The following KIFC2 variants were observed in gnomAD, a reference collection of about 807,000 sequenced individuals.
KIFC2 encodes kinesin-like protein KIFC2.
Under a neutral mutation model 91.5 loss-of-function variants are expected in KIFC2, and 94 were observed. The observed-to-expected ratio is 1.03, with a 90% CI of 0.87 to 1.22. The LOEUF is 1.22. KIFC2 is among the 50% of genes most tolerant of loss of function. The pLI, the probability that KIFC2 is intolerant of heterozygous loss-of-function variation, is 0.00. For synonymous variants in KIFC2, 729 were observed against 503.9 expected, an observed-to-expected ratio of 1.45 and a Z score of -5.98; for missense variants, 1,357 against 1,103.3, an observed-to-expected ratio of 1.23 and a Z score of -3.26.
chr8:144,472,533 G>T (rs1363629075), intron 15 of KIFC2, 44 bp from the exon 16 acceptor site: 1 of 1,611,860 alleles, frequency 6.2e-7, no homozygotes, highest in Non-Finnish European at 8.5e-7. Context: ...TCCACTTGGG[G>T]GCGGGGACCC....
chr8:144,473,413 G>C lies in KIFC2; in HGVS notation c.*24G>C, dbSNP rs768728856. 2.6e-6 allele frequency: 4 copies of C among 1,566,620 alleles called. No homozygotes were observed. The South Asian group carries it at 4.7e-5, about 18-fold the overall frequency. On this transcript the variant is annotated 3_prime_UTR_variant, in exon 18 of 18. Coordinates refer to ENST00000645548, the MANE Select transcript of KIFC2 (RefSeq NM_001369769.2). The stretch of plus-strand genomic sequence containing the variant: ...AGTCCTGGGTCGCGGCCCTGCCCAT[G>C]GGGTCTCAGGCCAGGTCTCTGCTGG...
Position 144,467,607 on chromosome 8 carries a change from C to G in KIFC2, c.592C>G (p.Leu198Val), listed in dbSNP as rs777469336. 17 of 1,596,972 alleles carry G rather than the reference C, an allele frequency of 1.1e-5. No homozygotes were observed. The highest frequency in any genetic ancestry group is 1.5e-5 in the Non-Finnish European group (17 of 1,171,196). ...LEEDQRAWQR[L>V]EQLILGQLEE... ...GGAGGATCAGAGGGCGTGGCAGCGG[C>G]TGGAGCAGCTCATCCTGGGACAGGT... The change falls in exon 5 of 18, where the codon CTG (leucine) becomes GTG (valine). Residue 198 changes from leucine to valine, a missense_variant. Physicochemically the swap from Leu to Val is conservative, Grantham distance 32. Coordinates refer to ENST00000645548, the MANE Select transcript of KIFC2 (RefSeq NM_001369769.2).
In KIFC2 at chr8:144,473,300, C is replaced by A. The variant is rs752027999; in HGVS notation, c.2287C>A (p.Pro763Thr). Residue 763 changes from proline (P) to threonine (T), a missense_variant, in exon 18 of 18, where the codon CCT (proline) becomes ACT (threonine). By Grantham distance (38) the Pro-to-Thr change is conservative (BLOSUM62 -1). Transcript: ENST00000645548. The part of the protein sequence containing the change: ...DTPLTGTPCT[P>T]TPSPGSPPCP... The stretch of plus-strand genomic sequence containing the variant: ...TCCGCTCACCGGGACCCCCTGCACC[C>A]CTACGCCGTCCCCTGGCAGTCCTCC... The A allele has an allele frequency of 6.2e-7, 1 of 1,605,246 alleles. No individual in the cohort carries two copies. The highest frequency in any genetic ancestry group is 1.1e-5 in the South Asian group (1 of 89,684).
Position 144,472,960 on chromosome 8 carries a change from A to G in KIFC2, c.2027A>G (p.His676Arg), listed in dbSNP as rs1407399746. ...LGGVMAALRA[H>R]RPHVPFRDSQ... is the part of the protein sequence containing the mutation. Reference sequence around the variant, plus strand: ...GGCGTGATGGCCGCACTGCGGGCCCACCGGCCGCACGTGCCCTTCCGCGAC... The same window carrying G: ...GGCGTGATGGCCGCACTGCGGGCCCGCCGGCCGCACGTGCCCTTCCGCGAC... Residue 676 changes from histidine to arginine, a missense_variant, in exon 17 of 18, where the codon CAC (histidine) becomes CGC (arginine). Transcript: ENST00000645548. 6.8e-6 allele frequency: 10 copies of G among 1,464,798 alleles called. No homozygotes were observed. Among genetic ancestry groups the G allele is most frequent in the South Asian group, 1.3e-5 (1 of 75,086 alleles). 90.7% of individuals were successfully genotyped at this position (1,464,798 alleles called of 1,614,324 possible).
At position 144,467,129 on chromosome 8, in the gene KIFC2, G is replaced by C. The variant is rs757853816; in HGVS notation, c.330+19G>C. 1.2e-5 allele frequency: 20 copies of C among 1,609,062 alleles called. No individual in the cohort carries two copies. The highest frequency in any genetic ancestry group is 1.6e-5 in the Non-Finnish European group (19 of 1,178,058). Reference sequence around the variant, plus strand: ...GGGCCAGGTGAGCGCGGCGGAGGGGGCTGCTGGCAGGTACCACCTGCCCCG... The same window carrying C: ...GGGCCAGGTGAGCGCGGCGGAGGGGCCTGCTGGCAGGTACCACCTGCCCCG... On this transcript the variant is annotated intron_variant, in intron 3 of 17. Transcript: ENST00000645548.
At position 144,474,191 on chromosome 8, in the gene KIFC2, G is replaced by A. The variant is rs1202225044; in HGVS notation, c.*802G>A. ...CCTCGCCTTGGCTCCCTGTCAACAA[G>A]GTGGGGGTGGGAGCGGGAGGGAGGA... On this transcript the variant is annotated 3_prime_UTR_variant, in exon 18 of 18. Transcript: ENST00000645548. The A allele has an allele frequency of 1.4e-6, 2 of 1,423,842 alleles. No homozygotes were observed. Among genetic ancestry groups the A allele is most frequent in the East Asian group, 2.3e-5 (1 of 42,716 alleles). The allele number at this position is 1,423,842 out of a possible 1,614,324, so 88.2% of individuals were successfully genotyped here.
intron 12 of KIFC2, among the ~76,000 whole-genome samples, chr8:144,471,192 T>C (rs1427410781): frequency 2.0e-5 from 3 of 152,162 alleles, no homozygotes; most frequent in Non-Finnish European, 4.4e-5. Flanking sequence ...CTTGAACTCC[T>C]GACCTTGTGA....
Position 144,467,704 on chromosome 8 carries a change from T to C in KIFC2, c.616-10T>C. On this transcript the variant is annotated splice_polypyrimidine_tract_variant and intron_variant, in intron 5 of 17. Coordinates refer to ENST00000645548, the MANE Select transcript of KIFC2 (RefSeq NM_001369769.2). The stretch of plus-strand genomic sequence containing the variant: ...AGGAGGTCCACCCTGTCTCTCTTAC[T>C]TCTCCCCAGCTGGAGGAGCTGAAGC... The C allele has an allele frequency of 6.2e-7, 1 of 1,613,594 alleles. No individual in the cohort carries two copies.
Position 144,473,595 on chromosome 8 carries a change from C to T in KIFC2, c.*206C>T. The T allele has an allele frequency of 2.8e-6, 2 of 707,264 alleles. No individual in the cohort carries two copies. The highest frequency in any genetic ancestry group is 2.4e-5 in the South Asian group (1 of 41,552). The allele number at this position is 707,264 out of a possible 1,614,324, so 43.8% of individuals were successfully genotyped here. On this transcript the variant is annotated 3_prime_UTR_variant, in exon 18 of 18. Coordinates refer to ENST00000645548, the MANE Select transcript of KIFC2 (RefSeq NM_001369769.2). The stretch of plus-strand genomic sequence containing the variant: ...TGAAGTGATCACCCCCCGCCCCCAG[C>T]CCTGCATCAGGCCACAGGTCTTGGC...
upstream of KIFC2, chr8:144,466,106 G>A (rs1270166379): frequency 6.4e-6 from 1 of 155,682 alleles, no homozygotes; most frequent in Non-Finnish European, 1.4e-5. Context: ...CGGAGCGGTG[G>A]GGGACTACGC....
At chr8:144,466,588 G>C (rs1739125577) in intron 1 of KIFC2, 70 bp downstream of exon 1, 1 of 919,678 alleles carries the variant, frequency 1.1e-6, no homozygotes, top group Non-Finnish European at 1.4e-6. Context: ...AGGTTCCCGG[G>C]GCGGGGGCGG....
chr8:144,467,537 G>A lies in KIFC2; in HGVS notation c.522G>A (p.Glu174=), dbSNP rs767655175. Residue 174 remains glutamate (E), a synonymous_variant, in exon 5 of 18, where the codon GAG becomes GAA. Transcript: ENST00000645548. ...SPSHFTAVPG[E]PLGDETQGQQ... ...CCCACTTCACCGCAGTCCCAGGCGA[G>A]CCACTGGGGGATGAGACCCAGGGAC... The A allele has an allele frequency of 6.2e-7, 1 of 1,602,458 alleles. No individual in the cohort carries two copies. The highest frequency in any genetic ancestry group is 8.5e-7 in the Non-Finnish European group (1 of 1,175,208).
chr8:144,468,693 G>A (rs1234055864), intron 9 of KIFC2, 32 bp from the exon 10 acceptor site: 1 of 1,613,546 alleles, frequency 6.2e-7, no homozygotes, highest in Admixed American at 1.7e-5. Context: ...CTGGAGGCTG[G>A]GCCTTCCCTT....
chr8:144,471,569 T>C (rs918314456), intron 12 of KIFC2, among the ~76,000 whole-genome samples: 12 of 152,162 alleles, frequency 7.9e-5, no homozygotes, highest in Admixed American at 1.3e-4. Flanking sequence ...CTCCTTGGCC[T>C]CTCAAAATGC....
At chr8:144,470,391 G>T (rs1824878938) in intron 12 of KIFC2, among the ~76,000 whole-genome samples, 1 of 152,228 alleles carries the variant, frequency 6.6e-6, no homozygotes, top group Non-Finnish European at 1.5e-5. Context: ...TCCTGGACAG[G>T]GTCCTCTCAG....
Position 144,467,090 on chromosome 8 carries a change from G to A in KIFC2, c.310G>A (p.Gly104Ser), listed in dbSNP as rs200097391. 6.3e-6 allele frequency: 10 copies of A among 1,598,990 alleles called. No individual in the cohort carries two copies. In the African/African-American group the frequency reaches 9.4e-5, roughly 15 times the overall value. Reference protein sequence around the residue: ...VQLGAEESCGGPADLGQSGEV... With the variant: ...VQLGAEESCGSPADLGQSGEV... ...GCTGGGGGCGGAAGAGAGCTGCGGG[G>A]GCCCGGCGGACCTGGGCCAGGTGAG... The change falls in exon 3 of 18, where the codon GGC (glycine) becomes AGC (serine). Residue 104 changes from glycine (G) to serine (S), a missense_variant. Transcript: ENST00000645548.
At chr8:144,468,102 GC>G in intron 7 of KIFC2, 115 bp downstream of exon 7, 1 of 1,341,458 alleles carries the variant, frequency 7.5e-7, no homozygotes, top group Non-Finnish European at 9.9e-7. Flanking sequence ...GTGTAGGGCA[GC>G]CCCATCAGGG....
intron 10 of KIFC2, 143 bp from the exon 11 acceptor site, chr8:144,469,128 G>A (rs1292662870): frequency 1.1e-5 from 8 of 705,930 alleles, no homozygotes; most frequent in African/African-American, 1.8e-5. Context: ...ATGTCCCCAG[G>A]GGCCCAGAGC....
At position 144,471,963 on chromosome 8, in the gene KIFC2, G is replaced by T. The variant is rs775341765; in HGVS notation, c.1402G>T (p.Ala468Ser). ...QEEVFRELEPAVLSCLRGYSV... is the reference protein window; with the variant it reads ...QEEVFRELEPSVLSCLRGYSV... ...GCAGGTCTTCAGAGAGCTGGAACCT[G>T]CGGTGCTGTCCTGCCTCCGAGGCTA... The change falls in exon 13 of 18, where the codon GCG becomes TCG. Residue 468 changes from alanine (A) to serine (S), a missense_variant. Transcript: ENST00000645548. The T allele has an allele frequency of 6.2e-7, 1 of 1,613,270 alleles. No homozygotes were observed. Among genetic ancestry groups the T allele is most frequent in the Non-Finnish European group, 8.5e-7 (1 of 1,180,026 alleles).
Sources: gnomAD v4.1 joint callset for allele counts (sites outside exome capture counted in the v4.1 genomes callset) on GRCh38, gnomAD v4.1.1 for gene constraint, MANE v1.5 for transcripts, NCBI Gene and HGNC (gene_info 2026-07-23, HGNC 2026-07-21) for gene names.